Variants in PIGO observed in about 807,000 individuals in gnomAD.
PIGO encodes GPI ethanolamine phosphate transferase 3, catalytic subunit.
In PIGO, 66 loss-of-function variants were observed where a neutral mutation model predicts 86.9. The ratio of observed to expected loss-of-function variants is 0.76; its 90% CI spans 0.62 to 0.93. The LOEUF (loss-of-function observed/expected upper bound fraction) is 0.93. PIGO is among the 40% of genes least tolerant of loss of function. PIGO has a pLI of 0.00. For synonymous variants in PIGO, 570 were observed against 556.4 expected, an observed-to-expected ratio of 1.02 and a Z score of -0.34; for missense variants, 1,202 against 1,359.1, an observed-to-expected ratio of 0.88 and a Z score of 1.82.
chr9:35,092,044 G>A lies in PIGO; in HGVS notation c.1843C>T (p.Arg615Trp), dbSNP rs375787674. 28 of 1,614,140 alleles carry A rather than the reference G, an allele frequency of 1.7e-5. No homozygotes were observed. Among genetic ancestry groups the A allele is most frequent in the African/African-American group, 6.7e-5 (5 of 74,942 alleles). The change falls in exon 7 of 11, where the codon CGG becomes TGG. Residue 615 changes from arginine (R) to tryptophan (W), a missense_variant. Coordinates refer to ENST00000378617, the MANE Select transcript of PIGO (RefSeq NM_032634.4). The stretch of plus-strand genomic sequence containing the variant: ...CTCAGGGCATATGCACCATTGTGCC[G>A]TGGGGGGTTTGTTGTGGCTGAAGTG... ...LGTSATTNPP[R>W]HNGAYALRLG...
Position 35,089,131 on chromosome 9 carries a change from G to A in PIGO, c.3231C>T (p.Ser1077=), listed in dbSNP as rs766677182. 1 of 1,614,160 alleles carries A rather than the reference G, an allele frequency of 6.2e-7. No individual in the cohort carries two copies. Residue 1077 remains serine (S), a synonymous_variant, in exon 11 of 11, where the codon AGC becomes AGT. Coordinates refer to ENST00000378617, the MANE Select transcript of PIGO (RefSeq NM_032634.4). ...CCAGAAATAGCTGCCTGAACCAGGAGCTCACAGCACCATCCACTCTCATCA... is the reference window on the plus strand; with the variant it reads ...CCAGAAATAGCTGCCTGAACCAGGAACTCACAGCACCATCCACTCTCATCA... ...ALVMRVDGAV[S]SWFRQLFLAQ... is the part of the protein sequence containing the mutation.
rs1411251907 is a variant in PIGO at position 35,093,162 on chromosome 9, C to T, written c.987G>A (p.Leu329=). The T allele has an allele frequency of 2.5e-6, 4 of 1,614,042 alleles. No homozygotes were observed. In the African/African-American group the frequency reaches 5.3e-5, roughly 22 times the overall value. ...CAAATGGGATGGGCAGGCCCAGCAG[C>T]AGGGCCAGCGTGGGCACAAGGCTAA... ...PQVSLVPTLA[L]LLGLPIPFGN... is the part of the protein sequence containing the mutation. Residue 329 remains leucine, a synonymous_variant, in exon 6 of 11, where the codon CTG becomes CTA. Coordinates refer to ENST00000378617, the MANE Select transcript of PIGO (RefSeq NM_032634.4).
intron 1 of PIGO, 104 bp downstream of exon 1, chr9:35,096,051 A>C (rs929720147): frequency 1.3e-5 from 2 of 156,550 alleles, no homozygotes; most frequent in Admixed American, 1.2e-4. Flanking sequence ...CGAGGGGTAG[A>C]GCATAGGAAC....
At chr9:35,089,529 C>T (rs1406975853) in intron 9 of PIGO, 79 bp from the exon 10 acceptor site, 13 of 1,595,144 alleles carry the variant, frequency 8.1e-6, no homozygotes, top group Non-Finnish European at 9.4e-6. Context: ...CTATAGGCCC[C>T]TGTAAAAAAT....
Position 35,095,441 on chromosome 9 carries a change from T to C in PIGO, c.125A>G (p.Gln42Arg). ...RLELTNHSSCQEPPGPGSLPW... is the reference protein window; with the variant it reads ...RLELTNHSSCREPPGPGSLPW... ...CAGGGACCCAGGGCCTGGGGGCTCT[T>C]GGCAGCTGCTATGGTTGGTGAGCTC... Residue 42 changes from glutamine to arginine, a missense_variant, in exon 2 of 11, where the codon CAA becomes CGA. Physicochemically the swap from Gln to Arg is conservative, Grantham distance 43 (BLOSUM62 1). Transcript: ENST00000378617. 1 of 1,614,018 alleles carries C rather than the reference T, an allele frequency of 6.2e-7. No individual in the cohort carries two copies. The highest frequency in any genetic ancestry group is 8.5e-7 in the Non-Finnish European group (1 of 1,179,976).
At chr9:35,092,987 C>A in intron 6 of PIGO, 43 bp downstream of exon 6, 2 of 1,569,874 alleles carry the variant, frequency 1.3e-6, no homozygotes, top group Admixed American at 1.8e-5. Context: ...TCTTTCATGC[C>A]CACCCTAGCT....
rs139423183 is a variant in PIGO at position 35,090,073 on chromosome 9, C to G, written c.3062G>C (p.Gly1021Ala). 22 of 1,613,186 alleles carry G rather than the reference C, an allele frequency of 1.4e-5. No individual in the cohort carries two copies. Among genetic ancestry groups the G allele is most frequent in the Middle Eastern group, 3.3e-4 (2 of 6,082 alleles). The stretch of plus-strand genomic sequence containing the variant: ...TCTCTCTCCTACACCCACCTGAATA[C>G]CAAGGATAAAGAGGTACTTGAGGCC... ...QLGLKYLFILGIQILACALAA... is the reference protein window; with the variant it reads ...QLGLKYLFILAIQILACALAA... The change falls in exon 9 of 11, where the codon GGT (glycine) becomes GCT (alanine). Residue 1021 changes from glycine to alanine, a missense_variant. Coordinates refer to ENST00000378617, the MANE Select transcript of PIGO (RefSeq NM_032634.4).
chr9:35,092,610 G>A lies in PIGO; in HGVS notation c.1277C>T (p.Ala426Val). The change falls in exon 7 of 11, where the codon GCT (alanine) becomes GTT (valine). Residue 426 changes from alanine to valine, a missense_variant. By Grantham distance (64) the Ala-to-Val change is moderately conservative. Transcript: ENST00000378617. ...GAEATLPTVI[A>V]ELQQFLRGAR... is the part of the protein sequence containing the mutation. The stretch of plus-strand genomic sequence containing the variant: ...TCCCCGCAGGAACTGCTGCAGCTCA[G>A]CAATCACAGTCGGCAGTGTCGCCTC... The A allele has an allele frequency of 1.2e-6, 2 of 1,614,270 alleles. No individual in the cohort carries two copies. Among genetic ancestry groups the A allele is most frequent in the Non-Finnish European group, 1.7e-6 (2 of 1,180,048 alleles).
chr9:35,093,851 CG>C (rs759641407), intron 4 of PIGO, 49 bp downstream of exon 4: 1 of 1,598,534 alleles, frequency 6.3e-7, no homozygotes, highest in East Asian at 2.2e-5. Context: ...AGAGCTTCTT[CG>C]AGATTCTCAG....
Position 35,095,643 on chromosome 9 carries a change from C to A in PIGO, c.-1-77G>T, listed in dbSNP as rs75373249. ...ATATTCTGGTCCCTGAATACAAGCC[C>A]AGCTAGAATCACTTCCTCCCGGAAA... On this transcript the variant is annotated intron_variant, in intron 1 of 10. Transcript: ENST00000378617. The A allele has an allele frequency of 2.0e-3, 2,735 of 1,402,172 alleles. 40 individuals carry two copies. In the African/African-American group the frequency reaches 0.036, roughly 19 times the overall value. 86.9% of individuals were successfully genotyped at this position (1,402,172 alleles called of 1,614,324 possible). A position where few individuals can be genotyped will look rare whatever the true frequency, so the allele number is the denominator to read the frequency against.
chr9:35,094,320 T>A lies in PIGO; in HGVS notation c.551A>T (p.Asp184Val). The change falls in exon 3 of 11, where the codon GAC (aspartate) becomes GTC (valine). Residue 184 changes from aspartate (D) to valine (V), a missense_variant. By Grantham distance (152) the Asp-to-Val change is radical. Coordinates refer to ENST00000378617, the MANE Select transcript of PIGO (RefSeq NM_032634.4). Reference protein sequence around the residue: ...VVFMGDDTWKDLFPGAFSKAF... With the variant: ...VVFMGDDTWKVLFPGAFSKAF... ...TTTGGAGAAAGCACCAGGGAAAAGG[T>A]CTTTCCAGGTATCATCTCCCATGAA... The A allele has an allele frequency of 8.1e-6, 13 of 1,608,308 alleles. No individual in the cohort carries two copies. Among genetic ancestry groups the A allele is most frequent in the Non-Finnish European group, 9.3e-6 (11 of 1,178,586 alleles).
At position 35,094,362 on chromosome 9, in the gene PIGO, G is replaced by A; in HGVS notation, c.512-3C>T. On this transcript the variant is annotated splice_polypyrimidine_tract_variant and splice_region_variant and intron_variant, in intron 2 of 10. Coordinates refer to ENST00000378617, the MANE Select transcript of PIGO (RefSeq NM_032634.4). ...TCCCATGAAGACTACACGCCTTCCT[G>A]CAGGGACATGAAAGAGAAGTCAGAG... 1 of 1,597,758 alleles carries A rather than the reference G, an allele frequency of 6.3e-7. No individual in the cohort carries two copies. The highest frequency in any genetic ancestry group is 8.5e-7 in the Non-Finnish European group (1 of 1,175,800).
At position 35,093,044 on chromosome 9, in the gene PIGO, G is replaced by C; in HGVS notation, c.1105C>G (p.Leu369Val). ...SALAQASALH[L>V]NAQQVSRFLH... ...CGCTTACCTACCTGCTGAGCATTGA[G>C]ATGGAGAGCTGAGGCTTGGGCTAAA... is the stretch of plus-strand genomic sequence containing the variant. Residue 369 changes from leucine to valine, a missense_variant, in exon 6 of 11, where the codon CTC becomes GTC. Leu to Val is a conservative substitution (Grantham distance 32, BLOSUM62 1). Coordinates refer to ENST00000378617, the MANE Select transcript of PIGO (RefSeq NM_032634.4). 1.2e-6 allele frequency: 2 copies of C among 1,609,442 alleles called. No individual in the cohort carries two copies. The highest frequency in any genetic ancestry group is 1.7e-6 in the Non-Finnish European group (2 of 1,176,162).
In PIGO at chr9:35,091,352, G is replaced by A. The variant is rs1829406038; in HGVS notation, c.2535C>T (p.Phe845=). ...AMVTALTLLA[F]PLLLLHAERI... is the part of the protein sequence containing the mutation. ...GCTCCGCATGCAACAGCAGAAGTGG[G>A]AAGGCCAACAGGGTGAGGGCTGTGA... Residue 845 remains phenylalanine (F), a synonymous_variant, in exon 7 of 11, where the codon TTC becomes TTT. Coordinates refer to ENST00000378617, the MANE Select transcript of PIGO (RefSeq NM_032634.4). 5 of 1,614,216 alleles carry A rather than the reference G, an allele frequency of 3.1e-6. No individual in the cohort carries two copies. The East Asian group carries it at 1.1e-4, about 36-fold the overall frequency.
chr9:35,093,555 C>T lies in PIGO; in HGVS notation c.805G>A (p.Asp269Asn). 3.1e-6 allele frequency: 5 copies of T among 1,613,402 alleles called. No homozygotes were observed. Among genetic ancestry groups the T allele is most frequent in the Non-Finnish European group, 4.2e-6 (5 of 1,179,682 alleles). Reference protein sequence around the residue: ...IQGLVERLENDTLLVVAGDHG... With the variant: ...IQGLVERLENNTLLVVAGDHG... ...TCCCCAGCCACTACCAGCAGTGTGT[C>T]ATTCTCCAGACGCTCCACAAGTCCC... Residue 269 changes from aspartate to asparagine, a missense_variant, in exon 5 of 11, where the codon GAC becomes AAC. Asp to Asn is a conservative substitution (Grantham distance 23, BLOSUM62 1). Transcript: ENST00000378617.
chr9:35,094,032 G>A lies in PIGO; in HGVS notation c.656-8C>T, dbSNP rs187058369. 334 of 1,612,884 alleles carry A rather than the reference G, an allele frequency of 2.1e-4. 1 individual carries two copies. Among genetic ancestry groups the A allele is most frequent in the Non-Finnish European group, 2.5e-4 (297 of 1,179,436 alleles). On this transcript the variant is annotated splice_region_variant and splice_polypyrimidine_tract_variant and intron_variant, in intron 3 of 10. Coordinates refer to ENST00000378617, the MANE Select transcript of PIGO (RefSeq NM_032634.4). ...CCCATTCACCACTGTCCACTGTGAA[G>A]GGGAGAACACTGAGCACAGAAGACT...
Position 35,095,372 on chromosome 9 carries a change from G to A in PIGO, c.194C>T (p.Ser65Phe), listed in dbSNP as rs1829624260. 1 of 1,614,086 alleles carries A rather than the reference G, an allele frequency of 6.2e-7. No individual in the cohort carries two copies. The highest frequency in any genetic ancestry group is 1.7e-5 in the Admixed American group (1 of 60,006). ...QGKPGACWMASRFSRVVLVLI... is the reference protein window; with the variant it reads ...QGKPGACWMAFRFSRVVLVLI... ...CACCAACACAACCCGCGAAAATCGGGAAGCCATCCAGCAGGCCCCAGGTTT... is the reference window on the plus strand; with the variant it reads ...CACCAACACAACCCGCGAAAATCGGAAAGCCATCCAGCAGGCCCCAGGTTT... Residue 65 changes from serine (S) to phenylalanine (F), a missense_variant, in exon 2 of 11, where the codon TCC becomes TTC. Ser to Phe is a radical substitution (Grantham distance 155). Coordinates refer to ENST00000378617, the MANE Select transcript of PIGO (RefSeq NM_032634.4).
chr9:35,095,139 G>C lies in PIGO; in HGVS notation c.427C>G (p.Leu143Val), dbSNP rs897374216. The C allele has an allele frequency of 3.7e-6, 6 of 1,614,204 alleles. No homozygotes were observed. Among genetic ancestry groups the C allele is most frequent in the Middle Eastern group, 3.3e-4 (2 of 6,062 alleles). ...QRLKALTTGS[L>V]PTFIDAGSNF... ...CTACCAGCATCAATAAAGGTAGGCAGTGAGCCAGTGGTGAGGGCCTTGAGG... is the reference window on the plus strand; with the variant it reads ...CTACCAGCATCAATAAAGGTAGGCACTGAGCCAGTGGTGAGGGCCTTGAGG... The change falls in exon 2 of 11, where the codon CTG (leucine) becomes GTG (valine). Residue 143 changes from leucine (L) to valine (V), a missense_variant. Coordinates refer to ENST00000378617, the MANE Select transcript of PIGO (RefSeq NM_032634.4).
intron 7 of PIGO, chr9:35,090,912 ACAGCT>A: frequency 1.7e-6 from 1 of 581,980 alleles, no homozygotes. Flanking sequence ...TCAAACACAT[ACAGCT>A]CAGTGCCATT....
Sources: gnomAD v4.1 joint callset for allele counts on GRCh38, gnomAD v4.1.1 for gene constraint, MANE v1.5 for transcripts, NCBI Gene and HGNC (gene_info 2026-07-23, HGNC 2026-07-21) for gene names.